UBE3D: variants seen among roughly 807,000 people sequenced by gnomAD.
UBE3D encodes the protein ubiquitin protein ligase E3D, also known as E3 ubiquitin-protein ligase E3D.
UBE3D carries 48 observed loss-of-function variants against 49.6 expected under a neutral mutation model. That is an observed-to-expected ratio of 0.97 (90% confidence interval 0.77 to 1.23). UBE3D has a LOEUF of 1.23. Among genes scored for constraint, UBE3D ranks in the 50% most tolerant of loss-of-function variants. The pLI, the probability that UBE3D is intolerant of heterozygous loss-of-function variation, is 0.00. For missense variants in UBE3D, 452 were observed against 468.4 expected (o/e 0.96, Z 0.32); for synonymous variants, 189 against 174.2 (o/e 1.08, Z -0.67).
At chr6:83,055,128 G>A (rs1363622273) in intron 2 of UBE3D, among the ~76,000 whole-genome samples, 1 of 81,062 alleles carries the variant, frequency 1.2e-5, no homozygotes, top group African/African-American at 5.1e-5. Flanking sequence ...ATGGTAAAAC[G>A]TTGAAAGCTG....
chr6:82,944,073 T>C (rs1055268172), intron 9 of UBE3D, among the ~76,000 whole-genome samples: 1 of 151,848 alleles, frequency 6.6e-6, no homozygotes, highest in Non-Finnish European at 1.5e-5. Context: ...GTCTTAATGC[T>C]GAGCTGGGCT....
In UBE3D at chr6:82,932,341, T is replaced by C. The variant is rs147545231; in HGVS notation, c.1149+24971A>G. On this transcript the variant is annotated intron_variant, in intron 9 of 9. Coordinates refer to ENST00000369747, the MANE Select transcript of UBE3D (RefSeq NM_198920.3). ...TACCTATCCTTTTTAATGATGATTG[T>C]CCATTTAAATAGTATCTGGTCCTAT... is the stretch of plus-strand genomic sequence containing the variant. 4.6e-4 allele frequency among the ~76,000 whole-genome samples: 70 copies of C among 152,266 alleles called. 1 individual carries two copies. The East Asian group carries it at 0.012, about 26-fold the overall frequency.
At chr6:82,953,344 T>C (rs565433148) in intron 9 of UBE3D, among the ~76,000 whole-genome samples, 3 of 152,352 alleles carry the variant, frequency 2.0e-5, no homozygotes, top group African/African-American at 7.2e-5. Context: ...TGCCAGCTCT[T>C]TCTAAGGGCT....
intron 5 of UBE3D, among the ~76,000 whole-genome samples, chr6:83,026,298 A>G (rs1582676026): frequency 6.6e-6 from 1 of 152,136 alleles, no homozygotes; most frequent in East Asian, 1.9e-4. Flanking sequence ...AATTCTTTTA[A>G]AAATTAGCCA....
At chr6:82,923,936 G>C (rs1256535020) in intron 9 of UBE3D, among the ~76,000 whole-genome samples, 1 of 151,928 alleles carries the variant, frequency 6.6e-6, no homozygotes, top group African/African-American at 2.4e-5. Flanking sequence ...GAAAAGCCTA[G>C]AGTCAAAAGT....
intron 9 of UBE3D, among the ~76,000 whole-genome samples, chr6:82,903,251 T>C (rs548971126): frequency 1.3e-5 from 2 of 152,138 alleles, no homozygotes; most frequent in Non-Finnish European, 2.9e-5. Flanking sequence ...CCTCCCAAAG[T>C]GCTGGAATTA....
intron 8 of UBE3D, among the ~76,000 whole-genome samples, chr6:82,977,113 C>CAAAAAAA (rs58424434): frequency 2.3e-4 from 10 of 42,582 alleles, no homozygotes; most frequent in African/African-American, 5.6e-4. Flanking sequence ...GACTCCATCT[C>CAAAAAAA]AAAAAAAAAA....
At chr6:82,956,665 T>A (rs1262937125) in intron 9 of UBE3D, among the ~76,000 whole-genome samples, 1 of 152,118 alleles carries the variant, frequency 6.6e-6, no homozygotes, top group East Asian at 1.9e-4. Context: ...CCTGCAAACT[T>A]GGGAGAAGGG....
intron 3 of UBE3D, among the ~76,000 whole-genome samples, chr6:83,048,143 C>T (rs564097893): frequency 2.1e-5 from 3 of 144,896 alleles, no homozygotes; most frequent in South Asian, 2.2e-4. Flanking sequence ...TGATCAGTAA[C>T]GGCAGGTCCT....
chr6:82,932,980 G>C (rs1774281197), intron 9 of UBE3D, among the ~76,000 whole-genome samples: 1 of 152,154 alleles, frequency 6.6e-6, no homozygotes, highest in Admixed American at 6.6e-5. Context: ...GACAGTATGA[G>C]AGGGGAAAAC....
chr6:82,887,337 A>T, the UBE3D span, among the ~76,000 whole-genome samples: 1 of 142,912 alleles, frequency 7.0e-6, no homozygotes, highest in Non-Finnish European at 1.5e-5. Flanking sequence ...AAAAAAAAAA[A>T]GGGAGAGAGA....
intron 8 of UBE3D, among the ~76,000 whole-genome samples, chr6:82,993,109 C>T (rs1582575485): frequency 6.7e-6 from 1 of 149,460 alleles, no homozygotes; most frequent in African/African-American, 2.5e-5. Context: ...GAGAAAGAAA[C>T]GGGGTCGGGG....
At chr6:83,058,061 A>C in intron 1 of UBE3D, 39 bp from the exon 2 acceptor site, 38 of 1,599,380 alleles carry the variant, frequency 2.4e-5, no homozygotes, top group Non-Finnish European at 3.0e-5. Context: ...ATTATTTCTC[A>C]CAATGAAAAC....
At chr6:83,059,635 C>T (rs966397390) in intron 1 of UBE3D, among the ~76,000 whole-genome samples, 1 of 152,202 alleles carries the variant, frequency 6.6e-6, no homozygotes, top group Non-Finnish European at 1.5e-5. Context: ...CACATTTCTT[C>T]CCAGTCCCAA....
intron 5 of UBE3D, among the ~76,000 whole-genome samples, chr6:83,029,000 T>C (rs1781676970): frequency 6.6e-6 from 1 of 152,198 alleles, no homozygotes; most frequent in South Asian, 2.1e-4. Flanking sequence ...AGGAAATCTC[T>C]TACATATGAG....
intron 8 of UBE3D, chr6:83,017,436 T>C (rs1477787863): frequency 6.6e-6 from 1 of 151,980 alleles, no homozygotes. Flanking sequence ...AATGTACAGC[T>C]TACTAGTTGA....
the UBE3D span, among the ~76,000 whole-genome samples, chr6:82,883,659 C>G: frequency 6.6e-6 from 1 of 152,082 alleles, no homozygotes; most frequent in South Asian, 2.1e-4. Context: ...AATCGAATGA[C>G]CTAAGATAAA....
intron 8 of UBE3D, among the ~76,000 whole-genome samples, chr6:82,995,959 G>C (rs1779211796): frequency 6.6e-6 from 1 of 152,040 alleles, no homozygotes; most frequent in African/African-American, 2.4e-5. Context: ...CCCAGCTACT[G>C]GGAGGCTGAG....
At chr6:82,927,694 CT>C (rs1274522383) in intron 9 of UBE3D, among the ~76,000 whole-genome samples, 2 of 150,920 alleles carry the variant, frequency 1.3e-5, no homozygotes, top group African/African-American at 2.4e-5. Context: ...AGGCAATTGG[CT>C]TTTGTATATT....
Sources: allele counts gnomAD v4.1 joint callset (sites outside exome capture counted in the v4.1 genomes callset), GRCh38; gene constraint gnomAD v4.1.1; transcripts MANE v1.5; gene names NCBI Gene and HGNC (gene_info 2026-07-23, HGNC 2026-07-21).